NIBAN1: variants seen among roughly 807,000 people sequenced by gnomAD.
NIBAN1 encodes protein Niban 1.
In NIBAN1, 81 loss-of-function variants were observed where a neutral mutation model predicts 75.1. The observed-to-expected ratio is 1.08, with a 90% CI of 0.90 to 1.30. The LOEUF is 1.30. Among genes scored for constraint, NIBAN1 ranks in the 50% most tolerant of loss-of-function variants. NIBAN1 has a pLI of 0.00. For synonymous variants in NIBAN1, 436 were observed against 424.8 expected (o/e 1.03, Z -0.32); for missense variants, 1,133 against 1,128.1 (o/e 1.00, Z -0.06).
chr1:184,941,115 A>G (rs1331316950), intron 1 of NIBAN1, among the ~76,000 whole-genome samples: 1 of 152,240 alleles, frequency 6.6e-6, no homozygotes, highest in African/African-American at 2.4e-5. Flanking sequence ...CAAATGGAAG[A>G]AGGAGGAAAA....
intron 6 of NIBAN1, 73 bp from the exon 7 acceptor site, chr1:184,823,815 T>C: frequency 7.7e-7 from 1 of 1,296,234 alleles, no homozygotes; most frequent in African/African-American, 1.5e-5. Flanking sequence ...CAACTAAAAA[T>C]GTCCTGATTG....
At chr1:184,825,574 TC>T (rs777224164) in intron 6 of NIBAN1, among the ~76,000 whole-genome samples, 26 of 152,248 alleles carry the variant, frequency 1.7e-4, no homozygotes, top group Non-Finnish European at 3.2e-4. Context: ...TCTAAATTTT[TC>T]AAGTGTTTTT....
chr1:184,964,104 T>C (rs549358951), intron 1 of NIBAN1, among the ~76,000 whole-genome samples: 2 of 150,578 alleles, frequency 1.3e-5, no homozygotes, highest in South Asian at 4.2e-4. Flanking sequence ...ACATTTCCAG[T>C]CAATGAGTTC....
intron 2 of NIBAN1, among the ~76,000 whole-genome samples, chr1:184,898,018 T>G (rs1206666407): frequency 3.3e-5 from 5 of 152,274 alleles, no homozygotes; most frequent in Non-Finnish European, 7.4e-5. Flanking sequence ...TGCCACTCTG[T>G]ATTCAATACC....
At chr1:184,909,659 A>G (rs1259936363) in intron 1 of NIBAN1, among the ~76,000 whole-genome samples, 1 of 152,230 alleles carries the variant, frequency 6.6e-6, no homozygotes, top group African/African-American at 2.4e-5. Flanking sequence ...TTACTTTAGC[A>G]TGTTCTAACT....
chr1:184,875,356 G>C (rs1656204407), intron 5 of NIBAN1, among the ~76,000 whole-genome samples: 1 of 152,166 alleles, frequency 6.6e-6, no homozygotes, highest in South Asian at 2.1e-4. Context: ...TCTGGCTTGA[G>C]GTCTCTCATG....
At chr1:184,918,277 C>T (rs969864667) in intron 1 of NIBAN1, among the ~76,000 whole-genome samples, 1 of 152,182 alleles carries the variant, frequency 6.6e-6, no homozygotes, top group African/African-American at 2.4e-5. Flanking sequence ...CTGGTTCAGG[C>T]CCTCGTCTCT....
At chr1:184,906,483 A>G (rs1167970598) in intron 1 of NIBAN1, among the ~76,000 whole-genome samples, 1 of 151,158 alleles carries the variant, frequency 6.6e-6, no homozygotes, top group Non-Finnish European at 1.5e-5. Flanking sequence ...ATACAAAATT[A>G]GCCAGGCGTG....
intron 1 of NIBAN1, among the ~76,000 whole-genome samples, chr1:184,956,074 C>T (rs538951178): frequency 1.6e-4 from 24 of 151,452 alleles, no homozygotes; most frequent in Admixed American, 8.5e-4. Context: ...TTGCCTAGGC[C>T]GGAATGCAGT....
At chr1:184,820,372 A>G (rs1188052227) in intron 8 of NIBAN1, among the ~76,000 whole-genome samples, 1 of 152,190 alleles carries the variant, frequency 6.6e-6, no homozygotes, top group Non-Finnish European at 1.5e-5. Flanking sequence ...CTCTGTGCCT[A>G]CTTACCACAA....
At chr1:184,830,542 G>T (rs959279516) in intron 6 of NIBAN1, among the ~76,000 whole-genome samples, 2 of 152,148 alleles carry the variant, frequency 1.3e-5, no homozygotes, top group African/African-American at 4.8e-5. Context: ...GTAAACACAT[G>T]TTTTCATATG....
rs1653791518 is a variant in NIBAN1 at position 184,794,803 on chromosome 1, T to C, written c.*174A>G. 1 of 768,552 alleles carries C rather than the reference T, an allele frequency of 1.3e-6. No homozygotes were observed. The allele number at this position is 768,552 out of a possible 1,614,324, so 47.6% of individuals were successfully genotyped here. A position where few individuals can be genotyped will look rare whatever the true frequency, so the allele number is the denominator to read the frequency against. Reference sequence around the variant, plus strand: ...AAAATTCATCGTAGAACAATTCATGTCCACAAAGGTTTGCCTCAGTTGCTC... The same window carrying C: ...AAAATTCATCGTAGAACAATTCATGCCCACAAAGGTTTGCCTCAGTTGCTC... On this transcript the variant is annotated 3_prime_UTR_variant, in exon 14 of 14. Transcript: ENST00000367511.
intron 12 of NIBAN1, among the ~76,000 whole-genome samples, chr1:184,799,097 T>C (rs1653957313): frequency 6.6e-6 from 1 of 152,106 alleles, no homozygotes; most frequent in East Asian, 1.9e-4. Flanking sequence ...AATGTGCAGG[T>C]TAGTTACATA....
At chr1:184,911,062 T>TACAC (rs35550596) in intron 1 of NIBAN1, among the ~76,000 whole-genome samples, 3,264 of 144,408 alleles carry the variant, frequency 0.023, 101 homozygotes, top group African/African-American at 0.074. Context: ...TTATAACAAA[T>TACAC]ACACACACAC....
intron 6 of NIBAN1, among the ~76,000 whole-genome samples, chr1:184,829,049 C>A (rs548288312): frequency 6.6e-6 from 1 of 152,210 alleles, no homozygotes; most frequent in Non-Finnish European, 1.5e-5. Flanking sequence ...GTCCTCCCAA[C>A]TTGGCCTTCC....
At chr1:184,955,921 C>T (rs1658478108) in intron 1 of NIBAN1, among the ~76,000 whole-genome samples, 2 of 152,144 alleles carry the variant, frequency 1.3e-5, no homozygotes, top group South Asian at 4.1e-4. Flanking sequence ...CCTCCACTGT[C>T]TATCTGCCCT....
chr1:184,853,465 A>G (rs1655597009), intron 5 of NIBAN1, among the ~76,000 whole-genome samples: 1 of 152,234 alleles, frequency 6.6e-6, no homozygotes, highest in African/African-American at 2.4e-5. Context: ...AAGGAAGCTT[A>G]ATTTGCATTT....
At chr1:184,824,227 C>G (rs1000847163) in intron 6 of NIBAN1, among the ~76,000 whole-genome samples, 4 of 152,152 alleles carry the variant, frequency 2.6e-5, no homozygotes, top group African/African-American at 9.7e-5. Flanking sequence ...TTCGTCCCCA[C>G]TGTCCCCCAA....
chr1:184,925,449 G>A (rs904928772), intron 1 of NIBAN1, among the ~76,000 whole-genome samples: 1 of 151,988 alleles, frequency 6.6e-6, no homozygotes, highest in South Asian at 2.1e-4. Flanking sequence ...CTGCTATTTT[G>A]TTATTAGTTT....
Sources: allele counts gnomAD v4.1 joint callset (sites outside exome capture counted in the v4.1 genomes callset), GRCh38; gene constraint gnomAD v4.1.1; transcripts MANE v1.5; gene names NCBI Gene and HGNC (gene_info 2026-07-23, HGNC 2026-07-21).